Variants in PPFIA2 observed in about 807,000 individuals in gnomAD.
The protein encoded by PPFIA2 is liprin-alpha-2.
PPFIA2 carries 46 observed loss-of-function variants against 175.5 expected under a neutral mutation model. The ratio of observed to expected loss-of-function variants is 0.26; its 90% CI spans 0.21 to 0.34. PPFIA2 has a LOEUF of 0.34. Among genes scored for constraint, PPFIA2 ranks in the 10% least tolerant of loss-of-function variants. The probability of loss-of-function intolerance (pLI) is 1.00; values close to 1 mark genes in which losing one functional copy is unlikely to be tolerated. For synonymous variants in PPFIA2, 568 were observed against 511.4 expected, an observed-to-expected ratio of 1.11 and a Z score of -1.49; for missense variants, 1,179 against 1,506.1, an observed-to-expected ratio of 0.78 and a Z score of 3.60.
intron 14 of PPFIA2, among the ~76,000 whole-genome samples, chr12:81,363,806 A>G (rs1156739269): frequency 6.6e-6 from 1 of 151,882 alleles, no homozygotes; most frequent in Non-Finnish European, 1.5e-5. Flanking sequence ...TATAATTTCA[A>G]AACACATGTA....
intron 4 of PPFIA2, among the ~76,000 whole-genome samples, chr12:81,479,163 AGTAT>A (rs1239505989): frequency 4.6e-5 from 7 of 152,136 alleles, no homozygotes; most frequent in Non-Finnish European, 8.8e-5. Context: ...TCCCTTTACC[AGTAT>A]GTAATGGCCT....
At chr12:81,299,248 A>AT in intron 23 of PPFIA2, 53 bp downstream of exon 23, 1 of 1,511,208 alleles carries the variant, frequency 6.6e-7, no homozygotes. Flanking sequence ...TCTCAAAAAA[A>AT]TTATCAACTT....
At chr12:81,613,510 A>C (rs916723173) in intron 4 of PPFIA2, among the ~76,000 whole-genome samples, 11 of 152,142 alleles carry the variant, frequency 7.2e-5, no homozygotes, top group Non-Finnish European at 1.5e-5. Flanking sequence ...TCTCTGGATA[A>C]ATTTAAATTA....
chr12:81,721,091 A>AT (rs1449394211), intron 3 of PPFIA2, among the ~76,000 whole-genome samples: 7 of 150,096 alleles, frequency 4.7e-5, no homozygotes, highest in African/African-American at 9.8e-5. Context: ...AAAAAAAAAA[A>AT]GGTGGCCGTT....
At chr12:81,386,976 A>C (rs2039115212) in intron 8 of PPFIA2, among the ~76,000 whole-genome samples, 1 of 152,146 alleles carries the variant, frequency 6.6e-6, no homozygotes, top group Admixed American at 6.6e-5. Context: ...GGAACACATA[A>C]AATGCACACA....
intron 28 of PPFIA2, among the ~76,000 whole-genome samples, chr12:81,274,017 C>T (rs1443911548): frequency 6.6e-6 from 1 of 151,910 alleles, no homozygotes; most frequent in Non-Finnish European, 1.5e-5. Flanking sequence ...TCCGAGTTTT[C>T]CTTAGCCTAT....
At chr12:81,593,015 T>C (rs2058846585) in intron 4 of PPFIA2, among the ~76,000 whole-genome samples, 1 of 151,994 alleles carries the variant, frequency 6.6e-6, no homozygotes, top group Non-Finnish European at 1.5e-5. Flanking sequence ...GCCTTGGCCT[T>C]GCAAAGTGCT....
At chr12:81,271,507 G>A (rs560924914) in intron 28 of PPFIA2, among the ~76,000 whole-genome samples, 330 of 152,276 alleles carry the variant, frequency 2.2e-3, no homozygotes, top group Non-Finnish European at 3.4e-3. Flanking sequence ...GACCTCAGGT[G>A]ATCCACCTGC....
At chr12:81,364,374 T>A (rs1380834374) in intron 14 of PPFIA2, among the ~76,000 whole-genome samples, 3 of 151,874 alleles carry the variant, frequency 2.0e-5, no homozygotes, top group Admixed American at 1.3e-4. Flanking sequence ...TTTTAAAAAA[T>A]TATTTTATTT....
chr12:81,478,680 T>G (rs2057795124), intron 4 of PPFIA2, among the ~76,000 whole-genome samples: 1 of 152,182 alleles, frequency 6.6e-6, no homozygotes, highest in African/African-American at 2.4e-5. Flanking sequence ...ATTTACCTAG[T>G]AGTCATTCAG....
At chr12:81,484,632 T>C (rs758667151) in intron 4 of PPFIA2, among the ~76,000 whole-genome samples, 5 of 151,990 alleles carry the variant, frequency 3.3e-5, no homozygotes, top group Admixed American at 6.6e-5. Context: ...ACCATTAATA[T>C]TGAGAATATA....
chr12:81,409,100 T>G (rs894821264), intron 7 of PPFIA2, among the ~76,000 whole-genome samples: 47 of 152,192 alleles, frequency 3.1e-4, no homozygotes, highest in African/African-American at 1.1e-3. Context: ...GGAAATTCTC[T>G]TAGCTGGTTT....
At position 81,488,683 on chromosome 12, in the gene PPFIA2, C is replaced by G. The variant is rs1206003482; in HGVS notation, c.304-30817G>C. Among the ~76,000 whole-genome samples the G allele has an allele frequency of 2.6e-5, 4 of 151,760 alleles. No homozygotes were observed. In the Admixed American group the frequency reaches 2.6e-4, roughly 10 times the overall value. ...TCTTCATTCTTTAGGGCTTTGATGT[C>G]ACATCCCCTATTCTAGGAAGCCTAT... is the stretch of plus-strand genomic sequence containing the variant. On this transcript the variant is annotated intron_variant, in intron 4 of 32. Transcript: ENST00000549396.
intron 4 of PPFIA2, among the ~76,000 whole-genome samples, chr12:81,612,515 T>G (rs933444049): frequency 4.6e-5 from 7 of 152,116 alleles, no homozygotes; most frequent in African/African-American, 1.4e-4. Flanking sequence ...AAAAAAAACT[T>G]CGAATACCTC....
chr12:81,437,680 A>C (rs1358019286), intron 7 of PPFIA2, among the ~76,000 whole-genome samples: 1 of 152,208 alleles, frequency 6.6e-6, no homozygotes, highest in Non-Finnish European at 1.5e-5. Context: ...CCTTATCAAT[A>C]AAATATTTTG....
chr12:81,267,674 A>C (rs1447479955), intron 29 of PPFIA2, among the ~76,000 whole-genome samples: 1 of 151,690 alleles, frequency 6.6e-6, no homozygotes, highest in African/African-American at 2.4e-5. Flanking sequence ...TCTGGCATTC[A>C]GGTGGGAGAC....
At chr12:81,678,733 T>C (rs1464988016) in intron 3 of PPFIA2, among the ~76,000 whole-genome samples, 1 of 151,842 alleles carries the variant, frequency 6.6e-6, no homozygotes, top group African/African-American at 2.4e-5. Flanking sequence ...AAAAACATAA[T>C]GGTAGAGTTT....
intron 11 of PPFIA2, among the ~76,000 whole-genome samples, chr12:81,370,676 T>C (rs1002402788): frequency 6.6e-6 from 1 of 151,850 alleles, no homozygotes; most frequent in Non-Finnish European, 1.5e-5. Context: ...CAAGGTTAGA[T>C]ACATGTCTTG....
chr12:81,590,521 G>T (rs1192902175), intron 4 of PPFIA2, among the ~76,000 whole-genome samples: 1 of 151,222 alleles, frequency 6.6e-6, no homozygotes, highest in East Asian at 1.9e-4. Context: ...TTTGAAACAG[G>T]GTGATAGGGT....
Sources: allele counts gnomAD v4.1 joint callset (sites outside exome capture counted in the v4.1 genomes callset), GRCh38; gene constraint gnomAD v4.1.1; transcripts MANE v1.5; gene names NCBI Gene and HGNC (gene_info 2026-07-23, HGNC 2026-07-21).